Variants in CDH12 observed in about 807,000 individuals in gnomAD.
The protein encoded by CDH12 is cadherin 12, also known as cadherin-12.
A neutral mutation model predicts 74.1 loss-of-function variants in CDH12; 41 were observed. The ratio of observed to expected loss-of-function variants is 0.55; its 90% CI spans 0.43 to 0.72. The LOEUF is 0.72. Among genes scored for constraint, CDH12 ranks in the 30% least tolerant of loss-of-function variants. The probability of loss-of-function intolerance (pLI) is 0.00; values close to 1 mark genes in which losing one functional copy is unlikely to be tolerated. For missense variants in CDH12, 945 were observed against 977.2 expected (o/e 0.97, Z 0.44); for synonymous variants, 399 against 355.0 (o/e 1.12, Z -1.39).
chr5:22,727,002 CTATT>C (rs1391801002), intron 1 of CDH12, among the ~76,000 whole-genome samples: 3 of 151,726 alleles, frequency 2.0e-5, no homozygotes, highest in African/African-American at 7.3e-5. Context: ...TTTTCAGATA[CTATT>C]TAAACAATTA....
intron 6 of CDH12, among the ~76,000 whole-genome samples, chr5:21,965,736 A>G (rs567010611): frequency 4.6e-5 from 7 of 152,142 alleles, no homozygotes; most frequent in African/African-American, 1.4e-4. Context: ...AATACTGGTG[A>G]GTTTTAAAAA....
intron 1 of CDH12, among the ~76,000 whole-genome samples, chr5:22,827,815 C>T (rs1736411224): frequency 6.6e-6 from 1 of 152,114 alleles, no homozygotes; most frequent in Admixed American, 6.6e-5. Flanking sequence ...GCCTTTAAAG[C>T]AGGAATGAAG....
rs1035806842 is a variant in CDH12 at position 22,681,228 on chromosome 5, GGTGT to G, written c.-523+171826_-523+171829del. On this transcript the variant is annotated intron_variant, in intron 1 of 14. Transcript: ENST00000382254. ...ATCATTAAGCTCCTGGGTATTGGGGGGTGTGTGTGTGTGTGTGTGTGTGTGTGTG... is the reference window on the plus strand; with the variant it reads ...ATCATTAAGCTCCTGGGTATTGGGGGGTGTGTGTGTGTGTGTGTGTGTGTG... 1.2e-3 allele frequency among the ~76,000 whole-genome samples: 131 copies of G among 105,810 alleles called. No homozygotes were observed. In the East Asian group the frequency reaches 0.018, roughly 15 times the overall value. The allele number at this position is 105,810 out of a possible 152,430, so 69.4% of individuals were successfully genotyped here.
At chr5:22,058,323 C>T (rs1740898649) in intron 5 of CDH12, among the ~76,000 whole-genome samples, 1 of 152,150 alleles carries the variant, frequency 6.6e-6, no homozygotes, top group African/African-American at 2.4e-5. Context: ...TCCCAAAGTG[C>T]TGGGATTACA....
chr5:22,421,818 T>C (rs1273703978), intron 2 of CDH12, among the ~76,000 whole-genome samples: 1 of 152,218 alleles, frequency 6.6e-6, no homozygotes, highest in East Asian at 1.9e-4. Context: ...TGTAAAAGCA[T>C]TCCTGTTTCC....
intron 3 of CDH12, among the ~76,000 whole-genome samples, chr5:22,252,118 T>C (rs1753157461): frequency 1.3e-5 from 2 of 152,016 alleles, no homozygotes; most frequent in Admixed American, 1.3e-4. Flanking sequence ...TTTTCTTGGT[T>C]CTCAATTGCT....
chr5:22,701,241 C>G (rs912717931), intron 1 of CDH12, among the ~76,000 whole-genome samples: 1 of 152,054 alleles, frequency 6.6e-6, no homozygotes, highest in African/African-American at 2.4e-5. Flanking sequence ...TCTACTATTA[C>G]TCTCTAAGTT....
intron 1 of CDH12, among the ~76,000 whole-genome samples, chr5:22,744,679 C>A (rs1378413381): frequency 6.6e-6 from 1 of 151,918 alleles, no homozygotes; most frequent in African/African-American, 2.4e-5. Flanking sequence ...TTGTTTAAAT[C>A]TTCAACAATC....
intron 3 of CDH12, among the ~76,000 whole-genome samples, chr5:22,257,882 C>A (rs536620937): frequency 6.6e-6 from 1 of 151,956 alleles, no homozygotes; most frequent in East Asian, 1.9e-4. Context: ...CTTAGCGTTC[C>A]AATAGTGGAA....
intron 1 of CDH12, among the ~76,000 whole-genome samples, chr5:22,672,220 C>A (rs1338551616): frequency 2.7e-5 from 4 of 148,976 alleles, no homozygotes; most frequent in African/African-American, 7.4e-5. Flanking sequence ...ACAAACAAAG[C>A]TAGCAAATCA....
intron 2 of CDH12, among the ~76,000 whole-genome samples, chr5:22,497,363 A>T (rs536548623): frequency 1.3e-5 from 2 of 152,128 alleles, no homozygotes; most frequent in Non-Finnish European, 2.9e-5. Context: ...TTCACCTTGG[A>T]TCTTTCTCAT....
At chr5:21,914,084 A>G (rs1753981977) in intron 6 of CDH12, among the ~76,000 whole-genome samples, 1 of 152,148 alleles carries the variant, frequency 6.6e-6, no homozygotes, top group South Asian at 2.1e-4. Context: ...AGTCCTCAAC[A>G]TACACTAAGG....
rs552660767 is a variant in CDH12 at position 21,992,672 on chromosome 5, G to GT, written c.232-17288dup. Among the ~76,000 whole-genome samples, 34 of 152,180 alleles carry GT rather than the reference G, an allele frequency of 2.2e-4. No homozygotes were observed. The South Asian group carries it at 5.2e-3, about 23-fold the overall frequency. Reference sequence around the variant, plus strand: ...TTAGTTTTCTTACTGATCATCCACTGTTTTTTACAATTTTTCCTTCTCCAT... The same window carrying GT: ...TTAGTTTTCTTACTGATCATCCACTGTTTTTTTACAATTTTTCCTTCTCCAT... On this transcript the variant is annotated intron_variant, in intron 5 of 14. Coordinates refer to ENST00000382254, the MANE Select transcript of CDH12 (RefSeq NM_004061.5).
chr5:22,815,377 G>A lies in CDH12; in HGVS notation c.-523+37681C>T, dbSNP rs554207516. Reference sequence around the variant, plus strand: ...CATTACTTATGAAATCTCTCCCTTTGTGTAGACTACAGTAGAGAAAGGAGA... The same window carrying A: ...CATTACTTATGAAATCTCTCCCTTTATGTAGACTACAGTAGAGAAAGGAGA... On this transcript the variant is annotated intron_variant, in intron 1 of 14. Transcript: ENST00000382254. Among the ~76,000 whole-genome samples the A allele has an allele frequency of 3.9e-5, 6 of 152,226 alleles. No individual in the cohort carries two copies. In the South Asian group the frequency reaches 1.2e-3, roughly 32 times the overall value.
rs115896925 is a variant in CDH12, at chr5:21,999,569, C to T, written c.232-24184G>A. On this transcript the variant is annotated intron_variant, in intron 5 of 14. Transcript: ENST00000382254. ...TCAGAGTACCGTAGCCATTAAATGT[C>T]TTCTATAATGTTCGTGATAAATCTG... Among the ~76,000 whole-genome samples the T allele has an allele frequency of 3.5e-3, 533 of 152,186 alleles. 4 individuals are homozygous for T. Among genetic ancestry groups the T allele is most frequent in the African/African-American group, 0.012 (498 of 41,536 alleles).
intron 6 of CDH12, among the ~76,000 whole-genome samples, chr5:21,861,589 T>A (rs1357394792): frequency 6.6e-6 from 1 of 152,090 alleles, no homozygotes; most frequent in African/African-American, 2.4e-5. Flanking sequence ...TAAAAGCACA[T>A]AAAAATCCAT....
intron 6 of CDH12, among the ~76,000 whole-genome samples, chr5:21,949,737 G>C (rs1561321945): frequency 6.6e-6 from 1 of 152,146 alleles, no homozygotes; most frequent in Admixed American, 6.5e-5. Flanking sequence ...AAAACTTAGA[G>C]AATAAGGATA....
chr5:22,146,826 C>T (rs556651902), intron 4 of CDH12, among the ~76,000 whole-genome samples: 1 of 152,196 alleles, frequency 6.6e-6, no homozygotes, highest in Admixed American at 6.5e-5. Context: ...TCCATCTAAA[C>T]AGTTATATCA....
intron 4 of CDH12, among the ~76,000 whole-genome samples, chr5:22,126,026 G>T: frequency 6.8e-6 from 1 of 146,334 alleles, no homozygotes; most frequent in South Asian, 2.1e-4. Flanking sequence ...TCTACAAACT[G>T]CTTTAATATT....
Sources: gnomAD v4.1 joint callset for allele counts (sites outside exome capture counted in the v4.1 genomes callset) on GRCh38, gnomAD v4.1.1 for gene constraint, MANE v1.5 for transcripts, NCBI Gene and HGNC (gene_info 2026-07-23, HGNC 2026-07-21) for gene names.